The following ZNF444 variants were observed in gnomAD, a reference collection of about 807,000 sequenced individuals.
ZNF444 encodes endothelial zinc finger protein 2.
A neutral mutation model predicts 14.4 loss-of-function variants in ZNF444; 8 were observed. That is an observed-to-expected ratio of 0.56 (90% CI 0.33 to 1.00). The LOEUF (loss-of-function observed/expected upper bound fraction) is 1.00. Ranked by LOEUF, ZNF444 falls within the 50% of genes least tolerant of loss-of-function variation. The probability of loss-of-function intolerance (pLI) is 0.03; values close to 1 mark genes in which losing one functional copy is unlikely to be tolerated. For synonymous variants in ZNF444, 258 were observed against 235.9 expected, an observed-to-expected ratio of 1.09 and a Z score of -0.86; for missense variants, 510 against 504.8, an observed-to-expected ratio of 1.01 and a Z score of -0.10.
intron 1 of ZNF444, among the ~76,000 whole-genome samples, chr19:56,134,864 C>A (rs1052313539): frequency 9.9e-5 from 15 of 151,878 alleles, no homozygotes; most frequent in Admixed American, 8.5e-4. Flanking sequence ...TAGCTGTAAT[C>A]CCAGCTACTC....
chr19:56,141,648 G>GGGAGGGGGA (rs2030821778), intron 1 of ZNF444: 1 of 119,658 alleles, frequency 8.4e-6, no homozygotes, highest in African/African-American at 3.0e-5. Context: ...GGGCGCCTGG[G>GGGAGGGGGA]GGAGGGGGAG....
chr19:56,151,961 C>G, intron 3 of ZNF444: 1 of 455,986 alleles, frequency 2.2e-6, no homozygotes, highest in South Asian at 1.6e-5. Context: ...GAGACATTGC[C>G]GGATGAGAAG....
chr19:56,142,113 T>C (rs906030223), intron 1 of ZNF444, among the ~76,000 whole-genome samples: 2 of 152,202 alleles, frequency 1.3e-5, no homozygotes, highest in African/African-American at 4.8e-5. Flanking sequence ...TTTTAACGCC[T>C]ATTCCAATGT....
chr19:56,158,434 G>A, intron 3 of ZNF444, 60 bp from the exon 4 acceptor site: 2 of 1,463,700 alleles, frequency 1.4e-6, no homozygotes, highest in Non-Finnish European at 1.9e-6. Flanking sequence ...GTGGTTGGGA[G>A]AGGGAGAAAT....
intron 1 of ZNF444, among the ~76,000 whole-genome samples, chr19:56,134,257 C>G (rs1438020241): frequency 6.6e-6 from 1 of 152,188 alleles, no homozygotes; most frequent in African/African-American, 2.4e-5. Context: ...ATAATTATAG[C>G]AGAGCTACAA....
rs1379421538 is a variant in ZNF444, at chr19:56,145,907, C to T, written c.-196-340C>T. 6.6e-6 allele frequency among the ~76,000 whole-genome samples: 1 copy of T among 152,238 alleles called. No homozygotes were observed. Among genetic ancestry groups the T allele is most frequent in the African/African-American group, 2.4e-5 (1 of 41,466 alleles). ...CAGGTGGCCTCCTTGCTGTGTGCTC[C>T]TGCTGGCAGAGATGGACAGAGTCCC... is the stretch of plus-strand genomic sequence containing the variant. On this transcript the variant is annotated intron_variant, in intron 1 of 4. Coordinates refer to ENST00000337080, the MANE Select transcript of ZNF444 (RefSeq NM_018337.4). This position sits in a 1 kb window ranked among gnomAD's most constrained non-coding sequence, Gnocchi z 4.3.
Position 56,160,628 on chromosome 19 carries a change from C to T in ZNF444, c.*427C>T, listed in dbSNP as rs761837788. On this transcript the variant is annotated 3_prime_UTR_variant, in exon 5 of 5. Coordinates refer to ENST00000337080, the MANE Select transcript of ZNF444 (RefSeq NM_018337.4). Reference sequence around the variant, plus strand: ...GGAGGAGCTCGGGCGCAGGCCAGGCCCCCTTGGTGAAGCAGAGGCTGAAGG... The same window carrying T: ...GGAGGAGCTCGGGCGCAGGCCAGGCTCCCTTGGTGAAGCAGAGGCTGAAGG... 1.9e-4 allele frequency: 34 copies of T among 178,728 alleles called. No individual in the cohort carries two copies. The highest frequency in any genetic ancestry group is 3.1e-4 in the Admixed American group (5 of 15,950). 11.1% of individuals were successfully genotyped at this position (178,728 alleles called of 1,614,324 possible). A position where few individuals can be genotyped will look rare whatever the true frequency, so the allele number is the denominator to read the frequency against.
chr19:56,153,125 A>G (rs1244631278), intron 3 of ZNF444, among the ~76,000 whole-genome samples: 2 of 152,146 alleles, frequency 1.3e-5, no homozygotes, highest in African/African-American at 4.8e-5. Context: ...CCCGTCATCC[A>G]GGAGGGGGCA....
At position 56,147,622 on chromosome 19, in the gene ZNF444, G is replaced by A. The variant is rs984313173; in HGVS notation, c.297+414G>A. Among the ~76,000 whole-genome samples the A allele has an allele frequency of 6.6e-6, 1 of 152,142 alleles. No individual in the cohort carries two copies. Among genetic ancestry groups the A allele is most frequent in the Admixed American group, 6.5e-5 (1 of 15,282 alleles). On this transcript the variant is annotated intron_variant, in intron 3 of 4. Coordinates refer to ENST00000337080, the MANE Select transcript of ZNF444 (RefSeq NM_018337.4). The surrounding 1 kb of genome is among the most constrained non-coding windows in gnomAD (Gnocchi z 5.9). The stretch of plus-strand genomic sequence containing the variant: ...AATTCTCCTCAGACCGTGGTGTCCT[G>A]GGTTCTTACTGGGGACTCCTCCCCG...
In ZNF444 at chr19:56,153,381, C is replaced by T. The variant is rs75412562; in HGVS notation, c.298-5113C>T. Reference sequence around the variant, plus strand: ...TTTGTTCAGTGATGTGTCCCTGGAGCTCAGGATGGTGCTGGGCACATAGTA... The same window carrying T: ...TTTGTTCAGTGATGTGTCCCTGGAGTTCAGGATGGTGCTGGGCACATAGTA... On this transcript the variant is annotated intron_variant, in intron 3 of 4. Transcript: ENST00000337080. Among the ~76,000 whole-genome samples the T allele has an allele frequency of 8.0e-3, 1,218 of 152,274 alleles. 10 individuals carry two copies. The highest frequency in any genetic ancestry group is 0.027 in the African/African-American group (1,121 of 41,556).
chr19:56,153,388 T>C (rs984338522), intron 3 of ZNF444, among the ~76,000 whole-genome samples: 3 of 152,208 alleles, frequency 2.0e-5, no homozygotes, highest in African/African-American at 7.2e-5. Context: ...GAGCTCAGGA[T>C]GGTGCTGGGC....
intron 1 of ZNF444, among the ~76,000 whole-genome samples, chr19:56,136,051 C>G (rs1463240062): frequency 1.5e-5 from 2 of 130,520 alleles, no homozygotes; most frequent in African/African-American, 6.2e-5. Context: ...CACTGCACTC[C>G]AGCCTGGGTG....
chr19:56,147,008 G>T lies in ZNF444; in HGVS notation c.97G>T (p.Gly33Cys). 2.7e-6 allele frequency: 4 copies of T among 1,457,466 alleles called. No homozygotes were observed. The highest frequency in any genetic ancestry group is 2.5e-4 in the Middle Eastern group (1 of 3,978). The allele number at this position is 1,457,466 out of a possible 1,614,324, so 90.3% of individuals were successfully genotyped here. The change falls in exon 3 of 5, where the codon GGC becomes TGC. Residue 33 changes from glycine to cysteine, a missense_variant. Coordinates refer to ENST00000337080, the MANE Select transcript of ZNF444 (RefSeq NM_018337.4). This position sits in a 1 kb window ranked among gnomAD's most constrained non-coding sequence, Gnocchi z 5.9. Reference protein sequence around the residue: ...FRRFHLGDAPGPREALGLLRA... With the variant: ...FRRFHLGDAPCPREALGLLRA... ...CCGCTTCCACCTGGGCGACGCGCCG[G>T]GCCCGCGGGAGGCGCTGGGGCTGCT...
At chr19:56,139,147 G>T (rs1012290113), upstream of ZNF444, among the ~76,000 whole-genome samples, 4 of 151,798 alleles carry the variant, frequency 2.6e-5, no homozygotes, top group African/African-American at 9.7e-5. Flanking sequence ...GATTAAGATG[G>T]TAATTTTTAT....
chr19:56,134,048 C>G (rs989638580), intron 1 of ZNF444, among the ~76,000 whole-genome samples: 1 of 151,966 alleles, frequency 6.6e-6, no homozygotes, highest in Non-Finnish European at 1.5e-5. Flanking sequence ...TACGCCATCC[C>G]CCCTTCTGCT....
upstream of ZNF444, among the ~76,000 whole-genome samples, chr19:56,139,485 G>A (rs983401919): frequency 3.3e-5 from 5 of 152,036 alleles, no homozygotes; most frequent in Admixed American, 6.6e-5. Flanking sequence ...CCAGGAGTTC[G>A]AGACCAGCCT....
rs1217914158 is a variant in ZNF444, at chr19:56,160,487, CCCCTCTTCTCTCTCCTGCGG to C, written c.*290_*309del. 5.0e-6 allele frequency: 2 copies of C among 401,054 alleles called. No homozygotes were observed. The highest frequency in any genetic ancestry group is 8.8e-6 in the Non-Finnish European group (2 of 226,232). 24.8% of individuals were successfully genotyped at this position (401,054 alleles called of 1,614,324 possible). On this transcript the variant is annotated 3_prime_UTR_variant, in exon 5 of 5. Coordinates refer to ENST00000337080, the MANE Select transcript of ZNF444 (RefSeq NM_018337.4). ...CCTCTCCCTAATGTCTCCTCCTTCC[CCCCTCTTCTCTCTCCTGCGG>C]CCCAGCCTCCCTCTCCCTCCTCCAT...
At chr19:56,141,783 C>T (rs748318796) in intron 1 of ZNF444, 2 of 151,582 alleles carry the variant, frequency 1.3e-5, no homozygotes, top group African/African-American at 2.4e-5. Context: ...GGGACCGGAC[C>T]CCTTCGGAAA....
upstream of ZNF444, among the ~76,000 whole-genome samples, chr19:56,140,328 T>TA (rs59708336): frequency 1 from 152,111 of 152,114 alleles, 76,054 homozygotes; most frequent in Non-Finnish European, 1. Flanking sequence ...ACTGTCTAGA[T>TA]AAAAACTTCA....
Sources: allele counts gnomAD v4.1 joint callset (sites outside exome capture counted in the v4.1 genomes callset), GRCh38; gene constraint gnomAD v4.1.1; non-coding constraint Gnocchi (gnomAD v3.1); transcripts MANE v1.5; gene names NCBI Gene and HGNC (gene_info 2026-07-23, HGNC 2026-07-21).